The following DOCK3 variants were observed in gnomAD, a reference collection of about 807,000 sequenced individuals.
DOCK3 encodes the protein dedicator of cytokinesis 3.
Under a neutral mutation model 265.6 loss-of-function variants are expected in DOCK3, and 60 were observed. The observed-to-expected ratio is 0.23, with a 90% CI of 0.18 to 0.28. The LOEUF (loss-of-function observed/expected upper bound fraction) is 0.28. Among genes scored for constraint, DOCK3 ranks in the 10% least tolerant of loss-of-function variants. DOCK3 has a pLI of 1.00. For missense variants in DOCK3, 1,981 were observed against 2,594.3 expected (o/e 0.76, Z 5.14); for synonymous variants, 881 against 938.0 (o/e 0.94, Z 1.11).
At position 51,068,796 on chromosome 3, in the gene DOCK3, G is replaced by A. The variant is rs529596518; in HGVS notation, c.464+4200G>A. Among the ~76,000 whole-genome samples the A allele has an allele frequency of 3.9e-5, 6 of 152,182 alleles. No homozygotes were observed. In the East Asian group the frequency reaches 1.2e-3, roughly 29 times the overall value. On this transcript the variant is annotated intron_variant, in intron 6 of 52. Coordinates refer to ENST00000266037, the MANE Select transcript of DOCK3 (RefSeq NM_004947.5). Reference sequence around the variant, plus strand: ...TATTGCCAGTATTTTTAGTCATTAAGCTATTTGATCTTTGTTCTGTTCTGC... The same window carrying A: ...TATTGCCAGTATTTTTAGTCATTAAACTATTTGATCTTTGTTCTGTTCTGC...
Position 51,348,936 on chromosome 3 carries a change from C to T in DOCK3, c.4000C>T (p.Arg1334Trp), listed in dbSNP as rs759476559. The T allele has an allele frequency of 8.3e-6, 13 of 1,566,802 alleles. No individual in the cohort carries two copies. The highest frequency in any genetic ancestry group is 1.1e-5 in the Non-Finnish European group (13 of 1,155,832). Reference protein sequence around the residue: ...LYDYQSLSWIRKMEASYYDNI... With the variant: ...LYDYQSLSWIWKMEASYYDNI... ...TGATTACCAGAGCCTCAGCTGGATT[C>T]GGGTGAGCTGTGCCCCTCCCCCCAC... Residue 1334 changes from arginine (R) to tryptophan (W), a missense_variant and splice_region_variant, in exon 39 of 53, where the codon CGG (arginine) becomes TGG (tryptophan). By Grantham distance (101) the Arg-to-Trp change is moderately radical (BLOSUM62 -3). Transcript: ENST00000266037.
rs753780888 is a variant in DOCK3 at position 51,236,381 on chromosome 3, T to G, written c.1954T>G (p.Leu652Val). The change falls in exon 20 of 53, where the codon TTG becomes GTG. Residue 652 changes from leucine to valine, a missense_variant. Leu to Val is a conservative substitution (Grantham distance 32). Coordinates refer to ENST00000266037, the MANE Select transcript of DOCK3 (RefSeq NM_004947.5). ...QDILDTLFVI[L>V]DDNTEKYGLL... ...CATCTTAGATACACTCTTTGTGATT[T>G]TGGATGATAATACAGAGAAGTACGG... is the stretch of plus-strand genomic sequence containing the variant. 14 of 1,613,540 alleles carry G rather than the reference T, an allele frequency of 8.7e-6. No homozygotes were observed. The highest frequency in any genetic ancestry group is 9.3e-6 in the Non-Finnish European group (11 of 1,179,696).
chr3:51,249,514 T>C (rs62257486), intron 22 of DOCK3, among the ~76,000 whole-genome samples: 50,757 of 58,778 alleles, frequency 0.86, 21,918 homozygotes, highest in African/African-American at 0.93. Flanking sequence ...GGGGGTCAGC[T>C]CCCCGCCCGG....
At position 51,271,782 on chromosome 3, in the gene DOCK3, C is replaced by T. The variant is rs147597363; in HGVS notation, c.2548+775C>T. On this transcript the variant is annotated intron_variant, in intron 24 of 52. Coordinates refer to ENST00000266037, the MANE Select transcript of DOCK3 (RefSeq NM_004947.5). ...AGGAGAATTGCTCGAACCCAGGAGG[C>T]GGAGGTGGCAGTAAGCCAAGATCAC... 2.2e-3 allele frequency among the ~76,000 whole-genome samples: 321 copies of T among 143,524 alleles called. 2 individuals are homozygous for T. In the Middle Eastern group the frequency reaches 0.028, roughly 13 times the overall value. 94.2% of individuals were successfully genotyped at this position (143,524 alleles called of 152,430 possible). A position where few individuals can be genotyped will look rare whatever the true frequency, so the allele number is the denominator to read the frequency against.
chr3:50,890,023 C>A lies in DOCK3; in HGVS notation c.163-3C>A. ...CTAACAGGAAATATTTTCTCTTTTACAGGGGATCTTTCCTGCAAATTACAT... is the reference window on the plus strand; with the variant it reads ...CTAACAGGAAATATTTTCTCTTTTAAAGGGGATCTTTCCTGCAAATTACAT... On this transcript the variant is annotated splice_region_variant and splice_polypyrimidine_tract_variant and intron_variant, in intron 3 of 52. Coordinates refer to ENST00000266037, the MANE Select transcript of DOCK3 (RefSeq NM_004947.5). The A allele has an allele frequency of 7.1e-7, 1 of 1,410,044 alleles. No homozygotes were observed. Among genetic ancestry groups the A allele is most frequent in the Non-Finnish European group, 9.2e-7 (1 of 1,088,694 alleles). The allele number at this position is 1,410,044 out of a possible 1,614,324, so 87.3% of individuals were successfully genotyped here.
At chr3:51,122,004 C>T (rs2106756613) in intron 9 of DOCK3, among the ~76,000 whole-genome samples, 1 of 152,246 alleles carries the variant, frequency 6.6e-6, no homozygotes, top group South Asian at 2.1e-4. Flanking sequence ...ACTCCAGAAG[C>T]CCAAGGGTCT....
intron 12 of DOCK3, among the ~76,000 whole-genome samples, chr3:51,204,010 C>G (rs1426648378): frequency 6.6e-6 from 1 of 151,316 alleles, no homozygotes; most frequent in Non-Finnish European, 1.5e-5. Context: ...ATACAAAAAT[C>G]AATTCAAGAT....
chr3:51,265,184 A>G (rs2080095738), intron 23 of DOCK3, among the ~76,000 whole-genome samples: 1 of 152,172 alleles, frequency 6.6e-6, no homozygotes, highest in South Asian at 2.1e-4. Context: ...GACCAATAAT[A>G]AGATCTGAAA....
intron 21 of DOCK3, among the ~76,000 whole-genome samples, chr3:51,241,698 G>C (rs573572562): frequency 6.6e-6 from 1 of 152,004 alleles, no homozygotes; most frequent in Non-Finnish European, 1.5e-5. Context: ...ATTCTTTCCC[G>C]AACTTGGTCT....
At chr3:51,139,545 C>G (rs2084955447) in intron 9 of DOCK3, among the ~76,000 whole-genome samples, 1 of 152,076 alleles carries the variant, frequency 6.6e-6, no homozygotes, top group South Asian at 2.1e-4. Flanking sequence ...TTTTTTCATT[C>G]AATATTTATT....
intron 1 of DOCK3, among the ~76,000 whole-genome samples, chr3:50,769,931 A>G (rs925418841): frequency 5.3e-5 from 8 of 152,122 alleles, no homozygotes; most frequent in African/African-American, 7.2e-5. Flanking sequence ...GCATGATCTT[A>G]TATATTGAAA....
intron 52 of DOCK3, 123 bp downstream of exon 52, chr3:51,380,330 G>C: frequency 1.1e-6 from 1 of 936,986 alleles, no homozygotes; most frequent in South Asian, 1.8e-5. Flanking sequence ...CCCCAGCCTG[G>C]CAGAAGCTGG....
intron 27 of DOCK3, among the ~76,000 whole-genome samples, chr3:51,302,329 A>G (rs1454362645): frequency 6.6e-6 from 1 of 152,170 alleles, no homozygotes; most frequent in Non-Finnish European, 1.5e-5. Context: ...ATCTTTGCAC[A>G]TGAGATGGGT....
At chr3:50,934,260 T>C (rs143037602) in intron 5 of DOCK3, among the ~76,000 whole-genome samples, 183 bp downstream of exon 5, 61 of 152,350 alleles carry the variant, frequency 4.0e-4, no homozygotes, top group African/African-American at 1.4e-3. Flanking sequence ...CACATTATTA[T>C]TCATATGCCT....
At chr3:51,170,673 GGTGGCTCACGCCT>G (rs1560157271) in intron 12 of DOCK3, among the ~76,000 whole-genome samples, 2 of 152,072 alleles carry the variant, frequency 1.3e-5, no homozygotes, top group African/African-American at 4.8e-5. Flanking sequence ...AGCCGGGCGC[GGTGGCTCACGCCT>G]GTAATCCCAG....
intron 7 of DOCK3, among the ~76,000 whole-genome samples, chr3:51,083,449 AG>A (rs2082311720): frequency 6.6e-6 from 1 of 152,244 alleles, no homozygotes; most frequent in Non-Finnish European, 1.5e-5. Context: ...CAGATCCCAT[AG>A]AAAAGAAAAT....
At position 51,040,008 on chromosome 3, in the gene DOCK3, A is replaced by G. The variant is rs184421472; in HGVS notation, c.316-24440A>G. Among the ~76,000 whole-genome samples, 8 of 148,970 alleles carry G rather than the reference A, an allele frequency of 5.4e-5. No homozygotes were observed. In the East Asian group the frequency reaches 1.6e-3, roughly 30 times the overall value. On this transcript the variant is annotated intron_variant, in intron 5 of 52. Transcript: ENST00000266037. Reference sequence around the variant, plus strand: ...CTCCATAATTTTACTTTTCACATTCATGTCTTTAAACCATCTGGGACTCAC... The same window carrying G: ...CTCCATAATTTTACTTTTCACATTCGTGTCTTTAAACCATCTGGGACTCAC...
chr3:51,163,423 TAAG>T (rs2086230776), intron 12 of DOCK3, among the ~76,000 whole-genome samples: 1 of 150,168 alleles, frequency 6.7e-6, no homozygotes, highest in South Asian at 2.1e-4. Flanking sequence ...AAAATTGCAA[TAAG>T]AAGCTGAGGC....
At position 50,980,384 on chromosome 3, in the gene DOCK3, T is replaced by A. The variant is rs568702590; in HGVS notation, c.315+46307T>A. ...TAGTATTTTGTTGAGGATTTTTGTG[T>A]CTGTGATCATCAGGGATATTGTCCT... On this transcript the variant is annotated intron_variant, in intron 5 of 52. Transcript: ENST00000266037. 1.3e-4 allele frequency among the ~76,000 whole-genome samples: 20 copies of A among 152,322 alleles called. No homozygotes were observed. The South Asian group carries it at 3.9e-3, about 30-fold the overall frequency.
Sources: gnomAD v4.1 joint callset for allele counts (sites outside exome capture counted in the v4.1 genomes callset) on GRCh38, gnomAD v4.1.1 for gene constraint, MANE v1.5 for transcripts, NCBI Gene and HGNC (gene_info 2026-07-23, HGNC 2026-07-21) for gene names.